Variants in TNR observed in about 807,000 individuals in gnomAD.
The protein encoded by TNR is tenascin-R.
A neutral mutation model predicts 150.4 loss-of-function variants in TNR; 45 were observed. The ratio of observed to expected loss-of-function variants is 0.30; its 90% confidence interval spans 0.24 to 0.38. The LOEUF is 0.38. Ranked by LOEUF, TNR falls within the 10% of genes least tolerant of loss-of-function variation. The pLI is 1.00. For synonymous variants in TNR, 687 were observed against 678.4 expected (o/e 1.01, Z -0.20); for missense variants, 1,544 against 1,759.1 (o/e 0.88, Z 2.19).
intron 1 of TNR, among the ~76,000 whole-genome samples, chr1:175,657,330 A>G (rs1173109145): frequency 6.6e-6 from 1 of 152,232 alleles, no homozygotes; most frequent in Non-Finnish European, 1.5e-5. Context: ...TGGGACAGTA[A>G]ACTAGTTCAA....
intron 18 of TNR, among the ~76,000 whole-genome samples, chr1:175,348,665 C>T (rs1650911757): frequency 6.6e-6 from 1 of 152,046 alleles, no homozygotes; most frequent in Non-Finnish European, 1.5e-5. Flanking sequence ...GCACCACAAA[C>T]CAATACAGAA....
chr1:175,601,265 T>C (rs1025641328), intron 1 of TNR, among the ~76,000 whole-genome samples: 6 of 152,234 alleles, frequency 3.9e-5, no homozygotes, highest in Admixed American at 2.6e-4. Flanking sequence ...TGGCCAGTTC[T>C]TACTCAGAGA....
intron 1 of TNR, among the ~76,000 whole-genome samples, chr1:175,541,732 T>G (rs1439927343): frequency 6.6e-6 from 1 of 152,108 alleles, no homozygotes; most frequent in Non-Finnish European, 1.5e-5. Context: ...GGATGCCAGG[T>G]GTGGAGAAAA....
At chr1:175,739,077 G>A (rs1667851554) in intron 1 of TNR, among the ~76,000 whole-genome samples, 1 of 152,132 alleles carries the variant, frequency 6.6e-6, no homozygotes, top group South Asian at 2.1e-4. Flanking sequence ...TACTCTGTGG[G>A]ATCCCAGCTG....
intron 1 of TNR, among the ~76,000 whole-genome samples, chr1:175,673,443 T>A (rs889604426): frequency 6.6e-6 from 1 of 151,598 alleles, no homozygotes; most frequent in Non-Finnish European, 1.5e-5. Context: ...TTCAGAGGAA[T>A]GAGCAGGTGC....
chr1:175,708,035 T>A (rs1666890773), intron 1 of TNR, among the ~76,000 whole-genome samples: 1 of 150,066 alleles, frequency 6.7e-6, no homozygotes, highest in Admixed American at 6.6e-5. Flanking sequence ...TGTGTGTGTG[T>A]GTGTGTGTGT....
intron 2 of TNR, among the ~76,000 whole-genome samples, chr1:175,460,872 C>T (rs1343857919): frequency 6.6e-6 from 1 of 152,212 alleles, no homozygotes; most frequent in Non-Finnish European, 1.5e-5. Flanking sequence ...CACAGAAACA[C>T]ATGGATGCAC....
chr1:175,505,593 G>T (rs539426840), intron 2 of TNR, among the ~76,000 whole-genome samples: 3 of 152,222 alleles, frequency 2.0e-5, no homozygotes, highest in Non-Finnish European at 4.4e-5. Flanking sequence ...AGTGGGCAGC[G>T]TGCTGCCAGG....
At chr1:175,416,986 C>T (rs547312150) in intron 2 of TNR, among the ~76,000 whole-genome samples, 71 of 79,088 alleles carry the variant, frequency 9.0e-4, no homozygotes, top group African/African-American at 2.2e-3. Context: ...CCAGCCTGGG[C>T]TACAGAGCGA....
At chr1:175,728,935 A>T (rs2101951359) in intron 1 of TNR, among the ~76,000 whole-genome samples, 1 of 152,294 alleles carries the variant, frequency 6.6e-6, no homozygotes, top group Non-Finnish European at 1.5e-5. Context: ...CAAGCTCCCG[A>T]GCTAATGAGT....
intron 1 of TNR, among the ~76,000 whole-genome samples, chr1:175,685,853 G>T (rs201233116): frequency 1.4e-5 from 2 of 147,886 alleles, no homozygotes; most frequent in East Asian, 2.0e-4. Flanking sequence ...ACCATTAGCT[G>T]TTTTTTTTTT....
At chr1:175,741,993 T>G (rs1482367532) in intron 1 of TNR, among the ~76,000 whole-genome samples, 1 of 152,140 alleles carries the variant, frequency 6.6e-6, no homozygotes, top group East Asian at 1.9e-4. Flanking sequence ...CTCTTTCAAG[T>G]TCCCTGTAGG....
intron 2 of TNR, among the ~76,000 whole-genome samples, chr1:175,495,241 A>G (rs1320919978): frequency 6.6e-6 from 1 of 152,218 alleles, no homozygotes; most frequent in East Asian, 1.9e-4. Context: ...ACTCAGTGCA[A>G]AGAGCTACGG....
intron 1 of TNR, among the ~76,000 whole-genome samples, chr1:175,628,334 T>C (rs1356811625): frequency 6.6e-6 from 1 of 152,092 alleles, no homozygotes; most frequent in Non-Finnish European, 1.5e-5. Flanking sequence ...GCTTAGATAG[T>C]ACTTTGCTTG....
chr1:175,670,806 GT>G (rs1308245242), intron 1 of TNR, among the ~76,000 whole-genome samples: 2 of 150,998 alleles, frequency 1.3e-5, no homozygotes, highest in African/African-American at 4.9e-5. Flanking sequence ...TGTGGAAGAG[GT>G]CAAATTATCA....
chr1:175,725,295 T>A (rs979449363), intron 1 of TNR, among the ~76,000 whole-genome samples: 4 of 152,196 alleles, frequency 2.6e-5, no homozygotes, highest in Non-Finnish European at 5.9e-5. Context: ...ATATCCAACA[T>A]GTGCTTTCCA....
intron 1 of TNR, among the ~76,000 whole-genome samples, chr1:175,572,581 G>GA (rs1661922774): frequency 6.6e-6 from 1 of 152,060 alleles, no homozygotes; most frequent in South Asian, 2.1e-4. Context: ...TCCATCTGTG[G>GA]TGTTTGTGTT....
At chr1:175,653,077 G>A (rs1025839748) in intron 1 of TNR, among the ~76,000 whole-genome samples, 35 of 152,192 alleles carry the variant, frequency 2.3e-4, no homozygotes, top group African/African-American at 8.0e-4. Flanking sequence ...TATGGGAAGC[G>A]TAAAGGGCAC....
chr1:175,491,561 C>A (rs1183537334), intron 2 of TNR, among the ~76,000 whole-genome samples: 2 of 150,912 alleles, frequency 1.3e-5, no homozygotes, highest in Non-Finnish European at 2.9e-5. Flanking sequence ...GTGGAAGCAT[C>A]TAGACTTTCT....
Sources: allele counts gnomAD v4.1 joint callset (sites outside exome capture counted in the v4.1 genomes callset), GRCh38; gene constraint gnomAD v4.1.1; transcripts MANE v1.5; gene names NCBI Gene and HGNC (gene_info 2026-07-23, HGNC 2026-07-21).